The following MAPK4 variants were observed in gnomAD, a reference collection of about 807,000 sequenced individuals.
MAPK4 encodes the protein Erk3-related.
In MAPK4, 22 loss-of-function variants were observed where a neutral mutation model predicts 47.7. The ratio of observed to expected loss-of-function variants is 0.46; its 90% CI spans 0.33 to 0.66. The LOEUF (loss-of-function observed/expected upper bound fraction) is 0.66. Ranked by LOEUF, MAPK4 falls within the 30% of genes least tolerant of loss-of-function variation. The pLI, the probability that MAPK4 is intolerant of heterozygous loss-of-function variation, is 0.02. For synonymous variants in MAPK4, 390 were observed against 365.7 expected (o/e 1.07, Z -0.76); for missense variants, 736 against 831.7 (o/e 0.88, Z 1.42).
At chr18:50,671,982 AAC>A (rs1907982044) in intron 2 of MAPK4, among the ~76,000 whole-genome samples, 1 of 152,096 alleles carries the variant, frequency 6.6e-6, no homozygotes, top group African/African-American at 2.4e-5. Context: ...GCCTGAGAAA[AAC>A]ACACAGAAAG....
intron 2 of MAPK4, among the ~76,000 whole-genome samples, chr18:50,677,158 TTC>T (rs2144301507): frequency 6.6e-6 from 1 of 152,298 alleles, no homozygotes; most frequent in Non-Finnish European, 1.5e-5. Context: ...GTGTAACAGT[TTC>T]ATCCCAAAAC....
rs547049212 is a variant in MAPK4, at chr18:50,569,463, T to A, written c.-871+9220T>A. 4.6e-5 allele frequency among the ~76,000 whole-genome samples: 7 copies of A among 152,304 alleles called. No homozygotes were observed. The South Asian group carries it at 1.5e-3, about 32-fold the overall frequency. On this transcript the variant is annotated intron_variant, in intron 1 of 5. Coordinates refer to ENST00000400384, the MANE Select transcript of MAPK4 (RefSeq NM_002747.4). ...GGGTATCAGCAATAGTGGGTCAATT[T>A]TGGGGCTTCAGATTTTCTAGATCAC...
chr18:50,691,467 T>C (rs2144349903), intron 2 of MAPK4, among the ~76,000 whole-genome samples: 1 of 152,316 alleles, frequency 6.6e-6, no homozygotes, highest in South Asian at 2.1e-4. Context: ...TCAGTTGAAA[T>C]TTGACATGTT....
rs1035872158 is a variant in MAPK4 at position 50,636,369 on chromosome 18, T to A, written c.-870-26720T>A. Among the ~76,000 whole-genome samples, 29 of 152,262 alleles carry A rather than the reference T, an allele frequency of 1.9e-4. 1 individual carries two copies. The highest frequency in any genetic ancestry group is 1.9e-3 in the Admixed American group (29 of 15,294). On this transcript the variant is annotated intron_variant, in intron 1 of 5. Coordinates refer to ENST00000400384, the MANE Select transcript of MAPK4 (RefSeq NM_002747.4). ...GGCAGGGGCTATGTCTGACTGTTCATTTTATCCCCAGTTCCGAGCAAAGGG... is the reference window on the plus strand; with the variant it reads ...GGCAGGGGCTATGTCTGACTGTTCAATTTATCCCCAGTTCCGAGCAAAGGG...
chr18:50,727,617 G>A (rs1380585106), intron 5 of MAPK4, among the ~76,000 whole-genome samples: 2 of 149,696 alleles, frequency 1.3e-5, no homozygotes, highest in Non-Finnish European at 2.9e-5. Flanking sequence ...GGCTCAGGGA[G>A]AGTCATCCTA....
chr18:50,641,594 T>C (rs2042942002), intron 1 of MAPK4, among the ~76,000 whole-genome samples: 1 of 152,206 alleles, frequency 6.6e-6, no homozygotes, highest in Non-Finnish European at 1.5e-5. Context: ...AATTTGATTT[T>C]TAGCTGTCCA....
chr18:50,577,435 C>T (rs377177698), intron 1 of MAPK4, among the ~76,000 whole-genome samples: 22 of 152,090 alleles, frequency 1.4e-4, no homozygotes, highest in African/African-American at 5.3e-4. Flanking sequence ...TTTAAAATAC[C>T]GATGTCTGGG....
Position 50,726,164 on chromosome 18 carries a change from G to C in MAPK4, c.1056G>C (p.Thr352=). 2 of 1,613,908 alleles carry C rather than the reference G, an allele frequency of 1.2e-6. No homozygotes were observed. Among genetic ancestry groups the C allele is most frequent in the Non-Finnish European group, 1.7e-6 (2 of 1,179,998 alleles). Residue 352 remains threonine (T), a synonymous_variant, in exon 5 of 6, where the codon ACG becomes ACC. Transcript: ENST00000400384. ...AGAGCCAGCTGTCCAACTGGGACACGTGCAGTTCCAGGTGCTCGCAGCCCT... is the reference window on the plus strand; with the variant it reads ...AGAGCCAGCTGTCCAACTGGGACACCTGCAGTTCCAGGTGCTCGCAGCCCT... ...ANQSQLSNWD[T]CSSRYPVSLS... is the part of the protein sequence containing the mutation.
chr18:50,628,277 G>A (rs530420166), intron 1 of MAPK4, among the ~76,000 whole-genome samples: 4 of 152,276 alleles, frequency 2.6e-5, no homozygotes, highest in African/African-American at 4.8e-5. Flanking sequence ...GAATTCTATC[G>A]GGTTCGCTGT....
chr18:50,627,670 G>A (rs748994518), intron 1 of MAPK4, among the ~76,000 whole-genome samples: 2 of 152,184 alleles, frequency 1.3e-5, no homozygotes, highest in East Asian at 3.8e-4. Context: ...CCTATGTTAC[G>A]ATCCCATTTG....
chr18:50,647,597 G>A lies in MAPK4; in HGVS notation c.-870-15492G>A, dbSNP rs547968853. On this transcript the variant is annotated intron_variant, in intron 1 of 5. Coordinates refer to ENST00000400384, the MANE Select transcript of MAPK4 (RefSeq NM_002747.4). ...CATGTGCTGTTACCAGAATTTTACC[G>A]TCGGCTCAATCCCTTCTCCACTCCC... 3.3e-5 allele frequency among the ~76,000 whole-genome samples: 5 copies of A among 152,186 alleles called. No homozygotes were observed. The East Asian group carries it at 7.7e-4, about 24-fold the overall frequency.
At chr18:50,649,102 G>A (rs1225870740) in intron 1 of MAPK4, among the ~76,000 whole-genome samples, 1 of 152,162 alleles carries the variant, frequency 6.6e-6, no homozygotes, top group Non-Finnish European at 1.5e-5. Context: ...TAGGGATGGG[G>A]GTAGGCCCTG....
chr18:50,645,541 C>T (rs1273636531), intron 1 of MAPK4, among the ~76,000 whole-genome samples: 2 of 152,180 alleles, frequency 1.3e-5, no homozygotes, highest in Non-Finnish European at 2.9e-5. Flanking sequence ...CCACAGTTAT[C>T]TTATTTTAAT....
chr18:50,726,161 C>A lies in MAPK4; in HGVS notation c.1053C>A (p.Asp351Glu), dbSNP rs1240720505. The change falls in exon 5 of 6, where the codon GAC (aspartate) becomes GAA (glutamate). Residue 351 changes from aspartate (D) to glutamate (E), a missense_variant. Around this residue, in one of 3 missense-constraint regions of MAPK4, gnomAD observed 377 missense variants for 378.6 expected, o/e 1.00. Coordinates refer to ENST00000400384, the MANE Select transcript of MAPK4 (RefSeq NM_002747.4). The stretch of plus-strand genomic sequence containing the variant: ...ACCAGAGCCAGCTGTCCAACTGGGA[C>A]ACGTGCAGTTCCAGGTGCTCGCAGC... ...AANQSQLSNW[D>E]TCSSRYPVSL... The A allele has an allele frequency of 6.2e-7, 1 of 1,614,026 alleles. No individual in the cohort carries two copies. The highest frequency in any genetic ancestry group is 8.5e-7 in the Non-Finnish European group (1 of 1,180,030).
intron 3 of MAPK4, among the ~76,000 whole-genome samples, chr18:50,719,278 T>C (rs1457419685): frequency 1.3e-5 from 2 of 151,914 alleles, no homozygotes; most frequent in Non-Finnish European, 2.9e-5. Flanking sequence ...GTGCTGGGGA[T>C]ACAAGTCTGA....
At chr18:50,569,486 C>A (rs1004529616) in intron 1 of MAPK4, among the ~76,000 whole-genome samples, 4 of 152,254 alleles carry the variant, frequency 2.6e-5, no homozygotes, top group East Asian at 1.9e-4. Context: ...TTTTCTAGAT[C>A]ACCCAGATGA....
chr18:50,728,078 A>G (rs1290657340), intron 5 of MAPK4, among the ~76,000 whole-genome samples: 4 of 152,030 alleles, frequency 2.6e-5, no homozygotes, highest in Non-Finnish European at 5.9e-5. Flanking sequence ...CTCCAGTCAC[A>G]CTCTGTGGGC....
chr18:50,597,716 A>T (rs1244367151), intron 1 of MAPK4, among the ~76,000 whole-genome samples: 1 of 152,166 alleles, frequency 6.6e-6, no homozygotes, highest in Non-Finnish European at 1.5e-5. Context: ...TGCCTAATAT[A>T]TGTGCTTGTT....
intron 2 of MAPK4, among the ~76,000 whole-genome samples, chr18:50,666,058 A>T (rs899455723): frequency 1.3e-5 from 2 of 152,232 alleles, no homozygotes; most frequent in Non-Finnish European, 2.9e-5. Flanking sequence ...GGATGCACAA[A>T]AACTACCTTC....
Sources: allele counts gnomAD v4.1 joint callset (sites outside exome capture counted in the v4.1 genomes callset), GRCh38; gene constraint gnomAD v4.1.1; regional missense constraint gnomAD v4.1.1; transcripts MANE v1.5; gene names NCBI Gene and HGNC (gene_info 2026-07-23, HGNC 2026-07-21).